The following FRAS1 variants were observed in gnomAD, a reference collection of about 807,000 sequenced individuals.
FRAS1 encodes Fraser extracellular matrix complex subunit 1.
FRAS1 carries 290 observed loss-of-function variants against 435.2 expected under a neutral mutation model. That is an observed-to-expected ratio of 0.67 (90% CI 0.61 to 0.73). FRAS1 has a LOEUF of 0.73. FRAS1 is among the 30% of genes least tolerant of loss of function. FRAS1 has a pLI of 0.00. For synonymous variants in FRAS1, 1,800 were observed against 1,851.0 expected (o/e 0.97, Z 0.71); for missense variants, 4,860 against 5,001.5 (o/e 0.97, Z 0.85).
intron 2 of FRAS1, among the ~76,000 whole-genome samples, chr4:78,161,912 G>A (rs1229991896): frequency 1.3e-5 from 2 of 151,950 alleles, no homozygotes; most frequent in Non-Finnish European, 2.9e-5. Flanking sequence ...TAGAAATTTT[G>A]TATTGAAAAT....
intron 6 of FRAS1, among the ~76,000 whole-genome samples, chr4:78,259,900 G>C (rs1402725018): frequency 6.6e-6 from 1 of 152,160 alleles, no homozygotes; most frequent in African/African-American, 2.4e-5. Flanking sequence ...TGTAAGGAAG[G>C]GATCCGATTT....
intron 33 of FRAS1, 147 bp downstream of exon 33, chr4:78,419,210 T>C (rs1375798726): frequency 1.5e-5 from 8 of 535,156 alleles, no homozygotes; most frequent in Non-Finnish European, 2.6e-5. Context: ...TATTTCTCGC[T>C]CCTGTCTTCT....
chr4:78,223,852 A>G (rs934067692), intron 2 of FRAS1, among the ~76,000 whole-genome samples: 5 of 152,240 alleles, frequency 3.3e-5, no homozygotes, highest in African/African-American at 1.2e-4. Flanking sequence ...AAATGGAAAT[A>G]GAAGCAGCTA....
intron 22 of FRAS1, among the ~76,000 whole-genome samples, chr4:78,368,791 G>A (rs570008654): frequency 6.6e-6 from 1 of 152,334 alleles, no homozygotes; most frequent in East Asian, 1.9e-4. Flanking sequence ...AAGAGTTAAA[G>A]ACTCGGAGAT....
chr4:78,316,156 A>G (rs1729236996), intron 16 of FRAS1, among the ~76,000 whole-genome samples: 1 of 152,376 alleles, frequency 6.6e-6, no homozygotes, highest in East Asian at 1.9e-4. Context: ...TAGTAAAGCT[A>G]AAGTCTGTAT....
chr4:78,124,246 A>G (rs58171643), intron 2 of FRAS1, among the ~76,000 whole-genome samples: 3,194 of 152,202 alleles, frequency 0.021, 107 homozygotes, highest in African/African-American at 0.072. Flanking sequence ...GGCTTTTGTC[A>G]TTGGTTCTGT....
At chr4:78,301,748 C>T (rs1216291081) in intron 14 of FRAS1, among the ~76,000 whole-genome samples, 1 of 151,858 alleles carries the variant, frequency 6.6e-6, no homozygotes, top group Non-Finnish European at 1.5e-5. Context: ...GTTATGATTT[C>T]CTTCTCTGTA....
At chr4:78,168,277 G>A (rs572438946) in intron 2 of FRAS1, among the ~76,000 whole-genome samples, 11 of 152,140 alleles carry the variant, frequency 7.2e-5, no homozygotes, top group African/African-American at 2.4e-4. Context: ...TGTCCCCTGC[G>A]TTTGCCCTGC....
intron 23 of FRAS1, among the ~76,000 whole-genome samples, chr4:78,370,736 G>T (rs544391812): frequency 1.3e-5 from 2 of 152,176 alleles, no homozygotes; most frequent in African/African-American, 4.8e-5. Flanking sequence ...AAATTTATAA[G>T]GAGATAATGT....
chr4:78,464,672 T>C (rs1719474288), intron 49 of FRAS1, 89 bp downstream of exon 49: 25 of 1,434,938 alleles, frequency 1.7e-5, no homozygotes, highest in Non-Finnish European at 2.4e-5. Context: ...ATCCTGATGG[T>C]AGGGAGGAGC....
intron 2 of FRAS1, among the ~76,000 whole-genome samples, chr4:78,229,573 G>A (rs1455564131): frequency 1.3e-5 from 2 of 152,156 alleles, no homozygotes; most frequent in African/African-American, 4.8e-5. Flanking sequence ...ATCTGTAAAT[G>A]TAGGCAGCAC....
At chr4:78,115,805 A>ACG (rs1560530099) in intron 2 of FRAS1, among the ~76,000 whole-genome samples, 8 of 151,826 alleles carry the variant, frequency 5.3e-5, no homozygotes, top group African/African-American at 1.4e-4. Context: ...GATTTTTTGA[A>ACG]GTTTTTTTTG....
intron 70 of FRAS1, among the ~76,000 whole-genome samples, chr4:78,530,898 G>A (rs967041554): frequency 1.3e-5 from 2 of 152,194 alleles, no homozygotes; most frequent in Non-Finnish European, 1.5e-5. Flanking sequence ...TAGCTTGATG[G>A]GAATAGCATT....
At chr4:78,332,135 C>T (rs1413662260) in intron 18 of FRAS1, among the ~76,000 whole-genome samples, 1 of 152,094 alleles carries the variant, frequency 6.6e-6, no homozygotes, top group South Asian at 2.1e-4. Flanking sequence ...TGTCTAGTAC[C>T]TGGCCCCAAG....
chr4:78,336,013 A>G (rs1030816224), intron 19 of FRAS1, among the ~76,000 whole-genome samples: 1 of 151,876 alleles, frequency 6.6e-6, no homozygotes, highest in African/African-American at 2.4e-5. Flanking sequence ...AAGCCAACTG[A>G]TATGAAATTA....
chr4:78,420,879 C>CATATATATATATATATATATATAT (rs72430754), intron 33 of FRAS1, among the ~76,000 whole-genome samples: 1 of 95,518 alleles, frequency 1.0e-5, no homozygotes, highest in African/African-American at 4.1e-5. Flanking sequence ...ACTAATAGGA[C>CATATATATATATATATATATATAT]ATATATATAT....
At chr4:78,335,028 G>A (rs755822308) in intron 19 of FRAS1, among the ~76,000 whole-genome samples, 2 of 150,702 alleles carry the variant, frequency 1.3e-5, no homozygotes, top group Non-Finnish European at 2.9e-5. Flanking sequence ...CCCAAATCGC[G>A]GGATTACAGG....
chr4:78,364,075 TTC>T, intron 22 of FRAS1, 21 bp downstream of exon 22: 3 of 1,559,630 alleles, frequency 1.9e-6, no homozygotes, highest in Non-Finnish European at 2.6e-6. Flanking sequence ...CCAATGAACC[TTC>T]TCTCCTTTCC....
intron 2 of FRAS1, among the ~76,000 whole-genome samples, chr4:78,123,708 G>T (rs1433837255): frequency 2.0e-5 from 3 of 152,086 alleles, no homozygotes; most frequent in Admixed American, 2.0e-4. Context: ...TTTTAAGTTG[G>T]ATTCCTAGGT....
Sources: allele counts gnomAD v4.1 joint callset (sites outside exome capture counted in the v4.1 genomes callset), GRCh38; gene constraint gnomAD v4.1.1; transcripts MANE v1.5; gene names NCBI Gene and HGNC (gene_info 2026-07-23, HGNC 2026-07-21).